TBC1D19: variants seen among roughly 807,000 people sequenced by gnomAD.
The protein encoded by TBC1D19 is TBC1 domain family member 19.
TBC1D19 carries 60 observed loss-of-function variants against 89.0 expected under a neutral mutation model. The observed-to-expected ratio is 0.67, with a 90% CI of 0.55 to 0.84. The LOEUF is 0.84. Among genes scored for constraint, TBC1D19 ranks in the 40% least tolerant of loss-of-function variants. The pLI is 0.00. For synonymous variants in TBC1D19, 189 were observed against 199.7 expected (o/e 0.95, Z 0.45); for missense variants, 500 against 610.8 (o/e 0.82, Z 1.91).
At chr4:26,711,066 C>G (rs1187715244) in intron 13 of TBC1D19, among the ~76,000 whole-genome samples, 1 of 152,144 alleles carries the variant, frequency 6.6e-6, no homozygotes, top group Non-Finnish European at 1.5e-5. Context: ...GCTTTTGTTG[C>G]CATTGCTTTT....
the TBC1D19 span, among the ~76,000 whole-genome samples, chr4:26,812,337 C>T: frequency 0.27 from 40,665 of 152,062 alleles, 6,133 homozygotes; most frequent in Non-Finnish European, 0.34. The surrounding 1 kb of genome is among the most constrained non-coding windows in gnomAD (Gnocchi z 4.2). Flanking sequence ...CCTGTTAAGT[C>T]GTTCTGAGAA....
At chr4:26,626,712 T>C (rs1289173112) in intron 4 of TBC1D19, among the ~76,000 whole-genome samples, 1 of 152,036 alleles carries the variant, frequency 6.6e-6, no homozygotes, top group Non-Finnish European at 1.5e-5. Context: ...ATTTTGTTAA[T>C]TTTGCATTAC....
At chr4:26,781,298 T>G in the TBC1D19 span, among the ~76,000 whole-genome samples, 3 of 152,082 alleles carry the variant, frequency 2.0e-5, no homozygotes, top group Non-Finnish European at 4.4e-5. Context: ...TCTCTAGAGG[T>G]AAGGGGGGCT....
chr4:26,699,675 A>T (rs1715141175), intron 13 of TBC1D19, among the ~76,000 whole-genome samples: 1 of 152,190 alleles, frequency 6.6e-6, no homozygotes, highest in Non-Finnish European at 1.5e-5. Flanking sequence ...ATGGAATACT[A>T]TGCAGCCATA....
the TBC1D19 span, among the ~76,000 whole-genome samples, chr4:26,764,847 C>T: frequency 2.6e-5 from 4 of 152,014 alleles, no homozygotes; most frequent in African/African-American, 7.2e-5. Flanking sequence ...AGGCACATAA[C>T]GTGGAAGGTT....
chr4:26,606,649 G>A (rs1741024559), intron 1 of TBC1D19, among the ~76,000 whole-genome samples: 1 of 152,176 alleles, frequency 6.6e-6, no homozygotes, highest in South Asian at 2.1e-4. Flanking sequence ...TTCGAAGCCA[G>A]AAAATCATTT....
Position 26,717,959 on chromosome 4 carries a change from A to G in TBC1D19, c.981A>G (p.Thr327=). ...TATTACTTTGTTTTTCCCGGGATAC[A>G]TCTGTGTTGAGTCACTTTGCATTCA... ...YQVLLCFSRD[T]SVLSHFAFNS... is the part of the protein sequence containing the mutation. Residue 327 remains threonine, a synonymous_variant, in exon 14 of 21, where the codon ACA becomes ACG. Transcript: ENST00000264866. The G allele has an allele frequency of 6.2e-7, 1 of 1,612,342 alleles. No homozygotes were observed. Among genetic ancestry groups the G allele is most frequent in the Non-Finnish European group, 8.5e-7 (1 of 1,179,092 alleles).
intron 9 of TBC1D19, among the ~76,000 whole-genome samples, chr4:26,669,987 G>A (rs546910583): frequency 7.3e-4 from 110 of 151,616 alleles, no homozygotes; most frequent in African/African-American, 2.5e-3. Flanking sequence ...ACCAGTTATG[G>A]GGTTCTATGT....
chr4:26,798,611 A>G, the TBC1D19 span, among the ~76,000 whole-genome samples: 3 of 152,058 alleles, frequency 2.0e-5, no homozygotes, highest in Non-Finnish European at 4.4e-5. Flanking sequence ...TGTTCATTGC[A>G]GCACTATTCA....
chr4:26,704,169 C>A (rs918315727), intron 13 of TBC1D19, among the ~76,000 whole-genome samples: 7 of 151,962 alleles, frequency 4.6e-5, no homozygotes, highest in Admixed American at 1.3e-4. Flanking sequence ...TTAAAGTACC[C>A]ATTTTTAAGT....
At chr4:26,632,696 A>G (rs1411204054) in intron 4 of TBC1D19, among the ~76,000 whole-genome samples, 2 of 152,082 alleles carry the variant, frequency 1.3e-5, no homozygotes, top group Non-Finnish European at 2.9e-5. Context: ...TTTTTCTAAA[A>G]ATATTTCTAT....
At chr4:26,576,906 G>A (rs145918872) in intron 1 of TBC1D19, 129 of 452,462 alleles carry the variant, frequency 2.9e-4, no homozygotes, top group East Asian at 1.3e-3. Flanking sequence ...AGGCTATGGC[G>A]CCCAGTTGTT....
the TBC1D19 span, among the ~76,000 whole-genome samples, chr4:26,770,129 C>G: frequency 6.6e-6 from 1 of 150,884 alleles, no homozygotes; most frequent in Non-Finnish European, 1.5e-5. Flanking sequence ...AATAAAAAAT[C>G]TAAATACAAA....
At chr4:26,702,825 A>G (rs1466919444) in intron 13 of TBC1D19, among the ~76,000 whole-genome samples, 1 of 152,218 alleles carries the variant, frequency 6.6e-6, no homozygotes, top group African/African-American at 2.4e-5. Flanking sequence ...GTCATCTCCC[A>G]TGACAGAAAC....
the TBC1D19 span, among the ~76,000 whole-genome samples, chr4:26,842,340 CTTTTTTTTTT>C: frequency 1.2e-5 from 1 of 81,576 alleles, no homozygotes; most frequent in East Asian, 3.8e-4. Context: ...CTTTTCTTTT[CTTTTTTTTTT>C]TTTTTTTTTT....
At chr4:26,640,076 C>A in intron 6 of TBC1D19, 65 bp from the exon 7 acceptor site, 1 of 1,125,450 alleles carries the variant, frequency 8.9e-7, no homozygotes, top group African/African-American at 1.6e-5. Flanking sequence ...GAATGATTAA[C>A]ATTTATTTAA....
At chr4:26,792,609 C>T in the TBC1D19 span, among the ~76,000 whole-genome samples, 6 of 152,314 alleles carry the variant, frequency 3.9e-5, no homozygotes, top group African/African-American at 9.6e-5. Flanking sequence ...AAGCAACCTG[C>T]GTAAGCATAC....
chr4:26,629,048 C>G (rs1323328711), intron 4 of TBC1D19, among the ~76,000 whole-genome samples: 1 of 151,984 alleles, frequency 6.6e-6, no homozygotes, highest in Non-Finnish European at 1.5e-5. Flanking sequence ...CTTCTCACAC[C>G]GTTCTTCCCC....
At chr4:26,683,821 G>A in intron 12 of TBC1D19, 72 bp downstream of exon 12, 1 of 1,228,320 alleles carries the variant, frequency 8.1e-7, no homozygotes, top group Non-Finnish European at 1.2e-6. Flanking sequence ...AGTATGCAGA[G>A]CCTGTGCTAT....
Sources: allele counts gnomAD v4.1 joint callset (sites outside exome capture counted in the v4.1 genomes callset), GRCh38; gene constraint gnomAD v4.1.1; non-coding constraint Gnocchi (gnomAD v3.1); transcripts MANE v1.5; gene names NCBI Gene and HGNC (gene_info 2026-07-23, HGNC 2026-07-21).